Variants in WWOX observed in about 807,000 individuals in gnomAD.
WWOX encodes the protein WW domain-containing oxidoreductase.
A neutral mutation model predicts 46.2 loss-of-function variants in WWOX; 69 were observed. That is an observed-to-expected ratio of 1.49 (90% confidence interval 1.23 to 1.82). WWOX has a LOEUF of 1.82. Ranked by LOEUF, WWOX falls within the 40% of genes most tolerant of loss-of-function variation. The pLI is 0.00. For missense variants in WWOX, 919 were observed against 542.6 expected, an observed-to-expected ratio of 1.69 and a Z score of -6.89; for synonymous variants, 359 against 202.6, an observed-to-expected ratio of 1.77 and a Z score of -6.56.
intron 8 of WWOX, among the ~76,000 whole-genome samples, chr16:78,539,796 A>G (rs138249193): frequency 6.6e-6 from 1 of 152,330 alleles, no homozygotes; most frequent in African/African-American, 2.4e-5. Context: ...AATGATGCCC[A>G]GAGCATTTAT....
At chr16:79,101,733 T>C (rs1481623902) in intron 8 of WWOX, 2 of 146,916 alleles carry the variant, frequency 1.4e-5, no homozygotes, top group Admixed American at 1.3e-4. Context: ...TTCTCTGTAT[T>C]ACTTAGCCTT....
At chr16:78,651,257 G>T (rs2046959844) in intron 8 of WWOX, among the ~76,000 whole-genome samples, 1 of 152,248 alleles carries the variant, frequency 6.6e-6, no homozygotes, top group Non-Finnish European at 1.5e-5. Context: ...AAACAAGAAA[G>T]GCAAATGAGA....
intron 8 of WWOX, among the ~76,000 whole-genome samples, chr16:79,104,786 C>T (rs766373086): frequency 1.3e-4 from 20 of 152,116 alleles, no homozygotes; most frequent in Admixed American, 3.3e-4. Flanking sequence ...CAAGAATGCA[C>T]GCTGGGAATT....
intron 8 of WWOX, among the ~76,000 whole-genome samples, chr16:78,613,651 G>A (rs147223180): frequency 2.6e-4 from 40 of 152,286 alleles, no homozygotes; most frequent in Middle Eastern, 3.4e-3. Flanking sequence ...AGTATTGCTA[G>A]AGATGGCTGC....
At chr16:78,220,797 C>T (rs886804461) in intron 5 of WWOX, among the ~76,000 whole-genome samples, 3 of 152,082 alleles carry the variant, frequency 2.0e-5, no homozygotes, top group East Asian at 1.9e-4. Context: ...CCATAGTTAG[C>T]GGCTAGGGAA....
chr16:78,833,680 A>G (rs978021048), intron 8 of WWOX, among the ~76,000 whole-genome samples: 1 of 152,226 alleles, frequency 6.6e-6, no homozygotes, highest in Admixed American at 6.5e-5. Context: ...TATGGTGCTT[A>G]GAGATTTCAC....
chr16:79,158,062 G>C (rs915037510), intron 8 of WWOX, among the ~76,000 whole-genome samples: 2 of 152,146 alleles, frequency 1.3e-5, no homozygotes, highest in African/African-American at 4.8e-5. Context: ...GGAATTTATT[G>C]ACCCTGGGAG....
intron 8 of WWOX, among the ~76,000 whole-genome samples, chr16:79,103,012 T>C (rs897885105): frequency 3.9e-5 from 6 of 152,154 alleles, no homozygotes; most frequent in African/African-American, 1.4e-4. Context: ...CATCCTCTTC[T>C]TCCCTCTTCT....
chr16:78,984,345 G>C (rs1007039368), intron 8 of WWOX, among the ~76,000 whole-genome samples: 3 of 152,184 alleles, frequency 2.0e-5, no homozygotes, highest in Non-Finnish European at 4.4e-5. Flanking sequence ...TCTAGGTCAA[G>C]AATCAGCAAA....
chr16:78,189,490 C>A (rs1020666235), intron 5 of WWOX, among the ~76,000 whole-genome samples: 2 of 152,144 alleles, frequency 1.3e-5, no homozygotes, highest in Admixed American at 6.6e-5. Context: ...CCTTCAGAGA[C>A]AACTGAAGAC....
chr16:78,611,088 G>T (rs926265222), intron 8 of WWOX, among the ~76,000 whole-genome samples: 1 of 152,166 alleles, frequency 6.6e-6, no homozygotes, highest in East Asian at 1.9e-4. Context: ...GTATATCCCA[G>T]TGTGTGTGGT....
At chr16:79,162,552 G>T (rs1484143710) in intron 8 of WWOX, among the ~76,000 whole-genome samples, 1 of 152,158 alleles carries the variant, frequency 6.6e-6, no homozygotes, top group Non-Finnish European at 1.5e-5. Context: ...TAGCCCTGAA[G>T]ACACAGGGAT....
chr16:78,683,699 A>C (rs2047785825), intron 8 of WWOX, among the ~76,000 whole-genome samples: 1 of 151,998 alleles, frequency 6.6e-6, no homozygotes, highest in African/African-American at 2.4e-5. Context: ...GCCACGCCTC[A>C]CCTCTTGTTT....
At chr16:78,573,159 G>A (rs1442090872) in intron 8 of WWOX, among the ~76,000 whole-genome samples, 1 of 152,082 alleles carries the variant, frequency 6.6e-6, no homozygotes, top group Non-Finnish European at 1.5e-5. Flanking sequence ...GTGGCGGGGT[G>A]CCTGTAGTCC....
At chr16:79,191,671 G>A (rs1278175077) in intron 8 of WWOX, among the ~76,000 whole-genome samples, 1 of 152,132 alleles carries the variant, frequency 6.6e-6, no homozygotes, top group Non-Finnish European at 1.5e-5. Flanking sequence ...AACTAGAGAA[G>A]CACCAAATAG....
At chr16:79,093,084 G>C (rs976452447) in intron 8 of WWOX, among the ~76,000 whole-genome samples, 3 of 152,178 alleles carry the variant, frequency 2.0e-5, no homozygotes, top group African/African-American at 4.8e-5. Context: ...ATGCTGAGCT[G>C]TTGGTTACGT....
intron 8 of WWOX, among the ~76,000 whole-genome samples, chr16:78,683,802 C>G (rs962158078): frequency 6.6e-5 from 10 of 152,152 alleles, no homozygotes; most frequent in African/African-American, 2.2e-4. Context: ...GAAGAGCTCA[C>G]TCATCAAGAT....
intron 8 of WWOX, among the ~76,000 whole-genome samples, chr16:78,830,495 A>T (rs955268889): frequency 6.6e-6 from 1 of 152,076 alleles, no homozygotes; most frequent in African/African-American, 2.4e-5. Context: ...AGGCCTCAAA[A>T]TTAGAGTAAA....
intron 8 of WWOX, among the ~76,000 whole-genome samples, chr16:79,189,895 T>C (rs2051098202): frequency 7.1e-6 from 1 of 141,162 alleles, no homozygotes; most frequent in South Asian, 2.6e-4. Context: ...GGTTTCATAT[T>C]CTACCTAGTT....
Sources: gnomAD v4.1 joint callset for allele counts (sites outside exome capture counted in the v4.1 genomes callset) on GRCh38, gnomAD v4.1.1 for gene constraint, MANE v1.5 for transcripts, NCBI Gene and HGNC (gene_info 2026-07-23, HGNC 2026-07-21) for gene names.